The following PSD3 variants were observed in gnomAD, a reference collection of about 807,000 sequenced individuals.
PSD3 encodes the protein pleckstrin and Sec7 domain containing 3.
PSD3 carries 49 observed loss-of-function variants against 105.5 expected under a neutral mutation model. The ratio of observed to expected loss-of-function variants is 0.46; its 90% CI spans 0.37 to 0.59. The LOEUF is 0.59. Ranked by LOEUF, PSD3 falls within the 20% of genes least tolerant of loss-of-function variation. The pLI is 0.00. For missense variants in PSD3, 1,561 were observed against 1,263.8 expected, an observed-to-expected ratio of 1.24 and a Z score of -3.57; for synonymous variants, 557 against 457.8, an observed-to-expected ratio of 1.22 and a Z score of -2.77.
chr8:18,596,819 G>T lies in PSD3; in HGVS notation c.2481+3545C>A, dbSNP rs150342276. Among the ~76,000 whole-genome samples, 9 of 152,214 alleles carry T rather than the reference G, an allele frequency of 5.9e-5. No individual in the cohort carries two copies. The East Asian group carries it at 1.7e-3, about 29-fold the overall frequency. Reference sequence around the variant, plus strand: ...ATGGATCTGTAATAATAAGGGGATTGAATCTGTAATGAAAACCCTCCCAAC... The same window carrying T: ...ATGGATCTGTAATAATAAGGGGATTTAATCTGTAATGAAAACCCTCCCAAC... On this transcript the variant is annotated intron_variant, in intron 12 of 15. Coordinates refer to ENST00000327040, the MANE Select transcript of PSD3 (RefSeq NM_015310.4).
chr8:18,931,862 T>A (rs1821770769), intron 2 of PSD3, among the ~76,000 whole-genome samples: 1 of 152,346 alleles, frequency 6.6e-6, no homozygotes, highest in South Asian at 2.1e-4. Context: ...ATGTGACTTT[T>A]ACGTCTTTCC....
chr8:18,637,841 G>A (rs1419977306), intron 10 of PSD3, among the ~76,000 whole-genome samples: 1 of 152,108 alleles, frequency 6.6e-6, no homozygotes, highest in African/African-American at 2.4e-5. Flanking sequence ...CCTTCAAATT[G>A]ATTATTCTAT....
At chr8:18,916,296 T>TTA (rs1820579601) in intron 2 of PSD3, among the ~76,000 whole-genome samples, 1 of 28,916 alleles carries the variant, frequency 3.5e-5, no homozygotes, top group Non-Finnish European at 6.2e-5. Flanking sequence ...TTAAAAAAAG[T>TTA]GATATATATA....
At chr8:18,721,202 A>C (rs574273342) in intron 9 of PSD3, 20 of 152,128 alleles carry the variant, frequency 1.3e-4, no homozygotes, top group African/African-American at 4.3e-4. Context: ...AGGTGTGTGC[A>C]ATTTCTGATA....
intron 15 of PSD3, among the ~76,000 whole-genome samples, chr8:18,538,881 CATCAG>C (rs1210518639): frequency 6.6e-6 from 1 of 152,186 alleles, no homozygotes; most frequent in Non-Finnish European, 1.5e-5. Flanking sequence ...GTGCATGAGT[CATCAG>C]ATCAGAAGTA....
In PSD3 at chr8:19,013,500, C is replaced by G. The variant is rs868345370; in HGVS notation, c.21+63G>C. 27 of 1,578,676 alleles carry G rather than the reference C, an allele frequency of 1.7e-5. No homozygotes were observed. In the Middle Eastern group the frequency reaches 1.5e-3, roughly 88 times the overall value. On this transcript the variant is annotated intron_variant, in intron 1 of 15. Coordinates refer to ENST00000327040, the MANE Select transcript of PSD3 (RefSeq NM_015310.4). ...CAGAGCGGCGACAAAGCAACACAAA[C>G]CCCACGTCGAACAGCGGCGCCGCGT...
chr8:18,565,153 C>G (rs115757895), intron 14 of PSD3, among the ~76,000 whole-genome samples: 1 of 152,098 alleles, frequency 6.6e-6, no homozygotes, highest in Non-Finnish European at 1.5e-5. Context: ...TGGACCTGAA[C>G]GACCTGGTGG....
At chr8:18,931,117 T>C (rs1173169852) in intron 2 of PSD3, among the ~76,000 whole-genome samples, 1 of 151,430 alleles carries the variant, frequency 6.6e-6, no homozygotes, top group Admixed American at 6.6e-5. Flanking sequence ...TACAATCTTT[T>C]GCCCATTTTT....
chr8:18,952,184 G>A (rs978625889), intron 1 of PSD3, among the ~76,000 whole-genome samples: 18 of 152,136 alleles, frequency 1.2e-4, no homozygotes, highest in African/African-American at 1.2e-4. Flanking sequence ...TTTTAAAGAC[G>A]TCTACATCCT....
chr8:18,664,357 A>T (rs965609255), intron 9 of PSD3, among the ~76,000 whole-genome samples: 1 of 152,240 alleles, frequency 6.6e-6, no homozygotes, highest in African/African-American at 2.4e-5. Context: ...GATATGGAGA[A>T]AGTTTAAATG....
intron 4 of PSD3, among the ~76,000 whole-genome samples, chr8:18,815,437 T>C (rs1315839582): frequency 6.6e-6 from 1 of 152,030 alleles, no homozygotes; most frequent in Non-Finnish European, 1.5e-5. Context: ...GACTCCCGAG[T>C]AGCTGGGATC....
chr8:18,759,092 A>ACACACACACACACACTCTCTCT (rs756248977), intron 9 of PSD3, among the ~76,000 whole-genome samples: 14 of 143,952 alleles, frequency 9.7e-5, no homozygotes, highest in South Asian at 2.2e-4. Flanking sequence ...ACACACACAC[A>ACACACACACACACACTCTCTCT]CTCTCTCTCT....
At chr8:19,068,190 C>T (rs932366650) in intron 1 of PSD3, among the ~76,000 whole-genome samples, 15 of 151,864 alleles carry the variant, frequency 9.9e-5, no homozygotes, top group Non-Finnish European at 1.9e-4. Context: ...CCCTTGAGAT[C>T]CTTAGCGATG....
At chr8:18,779,395 C>A (rs1043426852) in intron 8 of PSD3, among the ~76,000 whole-genome samples, 3 of 151,104 alleles carry the variant, frequency 2.0e-5, no homozygotes, top group African/African-American at 7.3e-5. Context: ...AAAAAAAAAA[C>A]CCAACTCTTC....
intron 9 of PSD3, among the ~76,000 whole-genome samples, chr8:18,699,441 C>G (rs1199347288): frequency 6.6e-6 from 1 of 152,138 alleles, no homozygotes. Flanking sequence ...ATGAAGACAC[C>G]TAGTCACAGT....
Position 19,024,095 on chromosome 8 carries a change from GT to G in PSD3, c.324+60110del, listed in dbSNP as rs1325929255. Among the ~76,000 whole-genome samples, 10 of 152,288 alleles carry G rather than the reference GT, an allele frequency of 6.6e-5. 1 individual carries two copies. The highest frequency in any genetic ancestry group is 5.9e-4 in the Admixed American group (9 of 15,292). ...ATTCCTGTAAACATTTGAGAAGAAA[GT>G]CCCCATTTCCCTCGGAGCACAAATA... On this transcript the variant is annotated intron_variant, in intron 1 of 1. Transcript: ENST00000521475.
At chr8:18,896,110 CA>C (rs1276781367) in intron 2 of PSD3, among the ~76,000 whole-genome samples, 1 of 152,230 alleles carries the variant, frequency 6.6e-6, no homozygotes, top group Non-Finnish European at 1.5e-5. Context: ...ATAATGTCCC[CA>C]AGCTAACTCA....
At chr8:18,733,034 A>G (rs762701870) in intron 9 of PSD3, 2 of 152,170 alleles carry the variant, frequency 1.3e-5, no homozygotes, top group Non-Finnish European at 2.9e-5. Context: ...AATGCAGACT[A>G]TAGCATCACG....
At chr8:19,007,304 C>A (rs1420194342) in intron 1 of PSD3, among the ~76,000 whole-genome samples, 8 of 151,874 alleles carry the variant, frequency 5.3e-5, no homozygotes, top group Non-Finnish European at 1.5e-5. Context: ...ACAGATAATG[C>A]CATCTATTAA....
Sources: gnomAD v4.1 joint callset for allele counts (sites outside exome capture counted in the v4.1 genomes callset) on GRCh38, gnomAD v4.1.1 for gene constraint, MANE v1.5 for transcripts, NCBI Gene and HGNC (gene_info 2026-07-23, HGNC 2026-07-21) for gene names.